PCDHGA2: variants seen among roughly 807,000 people sequenced by gnomAD.
PCDHGA2 encodes the protein protocadherin gamma-A2.
Under a neutral mutation model 59.2 loss-of-function variants are expected in PCDHGA2, and 40 were observed. The ratio of observed to expected loss-of-function variants is 0.68; its 90% CI spans 0.52 to 0.88. PCDHGA2 has a LOEUF of 0.88. Ranked by LOEUF, PCDHGA2 falls within the 40% of genes least tolerant of loss-of-function variation. The pLI, the probability that PCDHGA2 is intolerant of heterozygous loss-of-function variation, is 0.00. For synonymous variants in PCDHGA2, 560 were observed against 526.0 expected (o/e 1.06, Z -0.89); for missense variants, 1,226 against 1,204.0 (o/e 1.02, Z -0.27).
intron 1 of PCDHGA2, chr5:141,357,642 A>T: frequency 1.9e-6 from 3 of 1,611,524 alleles, no homozygotes; most frequent in Non-Finnish European, 2.5e-6. Context: ...CTTATAATAG[A>T]TCATACCACA....
chr5:141,357,227 G>T, intron 1 of PCDHGA2: 1 of 1,613,714 alleles, frequency 6.2e-7, no homozygotes, highest in Non-Finnish European at 8.5e-7. Context: ...GCTGACTTGG[G>T]CAGCCTCAAG....
intron 1 of PCDHGA2, chr5:141,345,645 G>A (rs1588463209): frequency 6.2e-7 from 1 of 1,614,188 alleles, no homozygotes; most frequent in South Asian, 1.1e-5. Context: ...CAGCGACAGC[G>A]GGAACCCTCC....
chr5:141,490,584 T>G lies in PCDHGA2; in HGVS notation c.2425-4223T>G, dbSNP rs751060540. 1 of 1,614,170 alleles carries G rather than the reference T, an allele frequency of 6.2e-7. No individual in the cohort carries two copies. Among genetic ancestry groups the G allele is most frequent in the South Asian group, 1.1e-5 (1 of 91,080 alleles). ...TCAGGCTCAACATTTCAGATGTCAA[T>G]GACAATGCACCCCGCTTCAACCAGC... On this transcript the variant is annotated intron_variant, in intron 1 of 3. Transcript: ENST00000394576. This position sits in a 1 kb window ranked among gnomAD's most constrained non-coding sequence, Gnocchi z 5.4.
At chr5:141,401,322 A>G (rs2094140521) in intron 1 of PCDHGA2, among the ~76,000 whole-genome samples, 1 of 152,218 alleles carries the variant, frequency 6.6e-6, no homozygotes, top group African/African-American at 2.4e-5. Flanking sequence ...AGCCTGGGCA[A>G]CAAGAGCAAA....
At chr5:141,350,627 A>G (rs753947991) in intron 1 of PCDHGA2, 17 of 1,613,938 alleles carry the variant, frequency 1.1e-5, no homozygotes, top group South Asian at 4.4e-5. Context: ...AATCCAAGAT[A>G]TTAATGACAA....
intron 1 of PCDHGA2, chr5:141,426,597 T>C (rs2096946172): frequency 2.6e-6 from 1 of 377,476 alleles, no homozygotes. Context: ...TGTCATACCC[T>C]TAGAGATTGT....
chr5:141,407,047 T>C (rs75652968), intron 1 of PCDHGA2, among the ~76,000 whole-genome samples: 6,428 of 152,316 alleles, frequency 0.042, 220 homozygotes, highest in African/African-American at 0.092. Flanking sequence ...GATCCATAGA[T>C]ACACTGATGA....
At chr5:141,457,111 G>T (rs922281700) in intron 1 of PCDHGA2, among the ~76,000 whole-genome samples, 1 of 152,120 alleles carries the variant, frequency 6.6e-6, no homozygotes, top group African/African-American at 2.4e-5. Context: ...AGCAAAATAC[G>T]ACAGCAATGG....
chr5:141,372,580 C>T (rs1363878149), intron 1 of PCDHGA2: 1 of 1,614,038 alleles, frequency 6.2e-7, no homozygotes, highest in Non-Finnish European at 8.5e-7. Flanking sequence ...TACTTTCAGC[C>T]TGGTGTCTGC....
intron 1 of PCDHGA2, chr5:141,350,822 T>C: frequency 6.2e-7 from 1 of 1,614,012 alleles, no homozygotes; most frequent in Non-Finnish European, 8.5e-7. Context: ...TGGAAGTAAA[T>C]ATCCGGTATT....
intron 1 of PCDHGA2, among the ~76,000 whole-genome samples, chr5:141,449,714 A>G (rs1188830159): frequency 2.6e-5 from 4 of 151,334 alleles, no homozygotes; most frequent in African/African-American, 7.3e-5. Flanking sequence ...CATTATTTTT[A>G]TATGATATGA....
rs758481930 is a variant in PCDHGA2, at chr5:141,357,482, C to G, written c.2424+16087C>G. 5 of 1,614,236 alleles carry G rather than the reference C, an allele frequency of 3.1e-6. No individual in the cohort carries two copies. The South Asian group carries it at 4.4e-5, about 14-fold the overall frequency. ...TATTCCCACGAGGTCTCCCTCACCG[C>G]GGACTCGCGGAAGAGTCACCTGATC... is the stretch of plus-strand genomic sequence containing the variant. On this transcript the variant is annotated intron_variant, in intron 1 of 3. Transcript: ENST00000394576.
intron 1 of PCDHGA2, among the ~76,000 whole-genome samples, chr5:141,460,317 A>G (rs1045494740): frequency 4.6e-5 from 7 of 152,260 alleles, no homozygotes; most frequent in African/African-American, 1.7e-4. Flanking sequence ...CTCCTTGCCT[A>G]CTGAAAACTT....
At chr5:141,371,573 A>G in intron 1 of PCDHGA2, 1 of 1,613,948 alleles carries the variant, frequency 6.2e-7, no homozygotes, top group Non-Finnish European at 8.5e-7. Flanking sequence ...TCCCCTTTAA[A>G]ATCGTTCAAG....
intron 1 of PCDHGA2, chr5:141,392,785 T>C: frequency 1.3e-6 from 2 of 1,549,118 alleles, no homozygotes; most frequent in Non-Finnish European, 1.7e-6. Flanking sequence ...ACAGTGAAGA[T>C]TCTGAGAGGA....
intron 1 of PCDHGA2, chr5:141,365,429 G>A (rs781264093): frequency 1.2e-6 from 2 of 1,613,990 alleles, no homozygotes; most frequent in East Asian, 2.2e-5. Flanking sequence ...AACTGTAATC[G>A]CGCTGTTTAG....
rs771744120 is a variant in PCDHGA2 at position 141,485,876 on chromosome 5, G to A, written c.2425-8931G>A. ...AGAGCTCCGGGTATCCGTGCTGGAC[G>A]TAAACGACAACGCCCCAGCCTTCCA... On this transcript the variant is annotated intron_variant, in intron 1 of 3. Transcript: ENST00000394576. This position sits in a 1 kb window ranked among gnomAD's most constrained non-coding sequence, Gnocchi z 5.7. 1 of 1,614,174 alleles carries A rather than the reference G, an allele frequency of 6.2e-7. No homozygotes were observed. Among genetic ancestry groups the A allele is most frequent in the Non-Finnish European group, 8.5e-7 (1 of 1,180,030 alleles).
intron 1 of PCDHGA2, chr5:141,412,700 G>C (rs537095191): frequency 6.6e-6 from 1 of 152,574 alleles, no homozygotes; most frequent in South Asian, 2.1e-4. Flanking sequence ...TTTTATTAAA[G>C]TGTGTACATT....
At position 141,357,449 on chromosome 5, in the gene PCDHGA2, T is replaced by C. The variant is rs572307990; in HGVS notation, c.2424+16054T>C. 6.8e-6 allele frequency: 11 copies of C among 1,614,224 alleles called. No homozygotes were observed. The highest frequency in any genetic ancestry group is 6.7e-5 in the East Asian group (3 of 44,880). On this transcript the variant is annotated intron_variant, in intron 1 of 3. Coordinates refer to ENST00000394576, the MANE Select transcript of PCDHGA2 (RefSeq NM_018915.4). ...GGCGTGGACGGGGTTCGGGCTTTCC[T>C]GCAGACCTATTCCCACGAGGTCTCC... is the stretch of plus-strand genomic sequence containing the variant.
Sources: gnomAD v4.1 joint callset for allele counts (sites outside exome capture counted in the v4.1 genomes callset) on GRCh38, gnomAD v4.1.1 for gene constraint, Gnocchi (gnomAD v3.1) non-coding constraint, MANE v1.5 for transcripts, NCBI Gene and HGNC (gene_info 2026-07-23, HGNC 2026-07-21) for gene names.